Variants in CRACD observed in about 807,000 individuals in gnomAD.
CRACD encodes capping protein-inhibiting regulator of actin dynamics.
CRACD carries 56 observed loss-of-function variants against 106.8 expected under a neutral mutation model. The observed-to-expected ratio is 0.52, with a 90% CI of 0.42 to 0.66. The LOEUF (loss-of-function observed/expected upper bound fraction) is 0.66. Among genes scored for constraint, CRACD ranks in the 30% least tolerant of loss-of-function variants. The probability of loss-of-function intolerance (pLI) is 0.00; values close to 1 mark genes in which losing one functional copy is unlikely to be tolerated. For synonymous variants in CRACD, 754 were observed against 670.8 expected (o/e 1.12, Z -1.92); for missense variants, 1,730 against 1,623.2 (o/e 1.07, Z -1.13).
At chr4:56,321,832 A>G (rs187605468) in intron 8 of CRACD, among the ~76,000 whole-genome samples, 242 of 152,348 alleles carry the variant, frequency 1.6e-3, no homozygotes, top group African/African-American at 4.6e-3. Flanking sequence ...CCCCAGGCTC[A>G]TTATAAATAT....
At chr4:56,070,181 G>A (rs1732590480) in intron 1 of CRACD, among the ~76,000 whole-genome samples, 1 of 152,020 alleles carries the variant, frequency 6.6e-6, no homozygotes, top group African/African-American at 2.4e-5. Context: ...TCTCAGGTGT[G>A]ATCTCTGCTC....
chr4:56,209,780 A>T (rs1039131329), intron 2 of CRACD, among the ~76,000 whole-genome samples: 5 of 152,190 alleles, frequency 3.3e-5, no homozygotes, highest in African/African-American at 1.2e-4. Context: ...ACATCACTTT[A>T]AGATTTAAAA....
At chr4:56,110,579 AT>A (rs1455558912) in intron 1 of CRACD, among the ~76,000 whole-genome samples, 3 of 152,068 alleles carry the variant, frequency 2.0e-5, no homozygotes, top group Non-Finnish European at 4.4e-5. Context: ...AATTGACAGA[AT>A]TATTGGTTTA....
At chr4:56,163,065 A>G (rs1226245037) in intron 1 of CRACD, among the ~76,000 whole-genome samples, 1 of 151,974 alleles carries the variant, frequency 6.6e-6, no homozygotes, top group Non-Finnish European at 1.5e-5. Context: ...TAATTTGCCA[A>G]CTCTGCTCTG....
chr4:56,231,945 A>G (rs1739646432), intron 2 of CRACD, among the ~76,000 whole-genome samples: 1 of 152,250 alleles, frequency 6.6e-6, no homozygotes, highest in South Asian at 2.1e-4. Flanking sequence ...TGTTGTGTAT[A>G]TGCTATGCAC....
chr4:56,141,895 T>C (rs1397114071), intron 1 of CRACD, among the ~76,000 whole-genome samples: 1 of 151,794 alleles, frequency 6.6e-6, no homozygotes, highest in Non-Finnish European at 1.5e-5. Context: ...AGTCTCACTG[T>C]GTTGCCCAGG....
At chr4:56,119,815 A>G in intron 1 of CRACD, among the ~76,000 whole-genome samples, 1 of 152,136 alleles carries the variant, frequency 6.6e-6, no homozygotes, top group Non-Finnish European at 1.5e-5. Context: ...TTCATACATA[A>G]TATGTCTAAG....
chr4:56,219,903 A>G (rs964681162), intron 2 of CRACD, among the ~76,000 whole-genome samples: 2 of 152,344 alleles, frequency 1.3e-5, no homozygotes, highest in African/African-American at 4.8e-5. Flanking sequence ...ATTTAATATA[A>G]TCTATGAAAA....
intron 2 of CRACD, among the ~76,000 whole-genome samples, chr4:56,186,826 C>T (rs1292608530): frequency 6.6e-6 from 1 of 152,134 alleles, no homozygotes; most frequent in African/African-American, 2.4e-5. Flanking sequence ...CTTTGGTAGG[C>T]CATGGCGGGA....
chr4:56,200,471 T>C (rs1447349102), intron 2 of CRACD, among the ~76,000 whole-genome samples: 2 of 152,186 alleles, frequency 1.3e-5, no homozygotes, highest in Non-Finnish European at 1.5e-5. Context: ...TAAGTTGCCA[T>C]AGGATATGAG....
chr4:56,241,733 C>T (rs2109563064), intron 2 of CRACD, among the ~76,000 whole-genome samples: 1 of 152,220 alleles, frequency 6.6e-6, no homozygotes, highest in East Asian at 1.9e-4. Flanking sequence ...AGGTGCAGTA[C>T]CTGCTCAGCC....
At chr4:56,099,594 C>G (rs1018705279) in intron 1 of CRACD, among the ~76,000 whole-genome samples, 1 of 152,106 alleles carries the variant, frequency 6.6e-6, no homozygotes, top group African/African-American at 2.4e-5. Context: ...AGACCTGGCT[C>G]CCATTCCCAT....
chr4:56,055,472 A>G (rs915810413), intron 1 of CRACD, among the ~76,000 whole-genome samples: 17 of 152,064 alleles, frequency 1.1e-4, no homozygotes, highest in Admixed American at 5.2e-4. Context: ...CCCATTGCCA[A>G]TACCATTTAT....
chr4:56,187,591 C>CCAAA (rs1295955055), intron 2 of CRACD, among the ~76,000 whole-genome samples: 1 of 152,076 alleles, frequency 6.6e-6, no homozygotes, highest in Non-Finnish European at 1.5e-5. Flanking sequence ...CCCAAACCAA[C>CCAAA]CAAACAAACA....
At chr4:56,245,686 T>C (rs1740641032) in intron 2 of CRACD, among the ~76,000 whole-genome samples, 1 of 152,192 alleles carries the variant, frequency 6.6e-6, no homozygotes, top group South Asian at 2.1e-4. Flanking sequence ...GAATCATTGC[T>C]TTGGCTGGGA....
At position 56,310,698 on chromosome 4, in the gene CRACD, G is replaced by C. The variant is rs750857403; in HGVS notation, c.318G>C (p.Leu106=). The C allele has an allele frequency of 3.1e-6, 5 of 1,611,866 alleles. No homozygotes were observed. The highest frequency in any genetic ancestry group is 4.5e-5 in the East Asian group (2 of 44,872). ...ATACGCCAAGTTCTCTAAGTCCTCT[G>C]AATCTCCCTGGAGCTGGAAGTGAGA... ...SSDTPSSLSP[L]NLPGAGSEME... is the part of the protein sequence containing the mutation. Residue 106 remains leucine (L), a synonymous_variant, in exon 6 of 11, where the codon CTG becomes CTC. Transcript: ENST00000682029.
At chr4:56,297,549 AG>A (rs1176723997) in intron 3 of CRACD, among the ~76,000 whole-genome samples, 1 of 152,208 alleles carries the variant, frequency 6.6e-6, no homozygotes, top group African/African-American at 2.4e-5. Flanking sequence ...ACTGCACTCC[AG>A]CCTGGGCAAC....
At chr4:56,267,416 C>A (rs1383669098) in intron 2 of CRACD, among the ~76,000 whole-genome samples, 1 of 152,200 alleles carries the variant, frequency 6.6e-6, no homozygotes, top group Non-Finnish European at 1.5e-5. Context: ...GCCACCACGC[C>A]TGGCCAATTT....
At chr4:56,086,969 C>T (rs1449484408) in intron 1 of CRACD, among the ~76,000 whole-genome samples, 1 of 152,100 alleles carries the variant, frequency 6.6e-6, no homozygotes, top group African/African-American at 2.4e-5. Context: ...CACACAAATG[C>T]TCTCTCTCCC....
Sources: gnomAD v4.1 joint callset for allele counts (sites outside exome capture counted in the v4.1 genomes callset) on GRCh38, gnomAD v4.1.1 for gene constraint, MANE v1.5 for transcripts, NCBI Gene and HGNC (gene_info 2026-07-23, HGNC 2026-07-21) for gene names.